RBMS3: variants seen among roughly 807,000 people sequenced by gnomAD.
RBMS3 encodes the protein RNA binding motif single stranded interacting protein 3, also known as RNA-binding motif, single-stranded-interacting protein 3.
A neutral mutation model predicts 66.8 loss-of-function variants in RBMS3; 27 were observed. The observed-to-expected ratio is 0.40, with a 90% CI of 0.30 to 0.56. RBMS3 has a LOEUF of 0.56. Among genes scored for constraint, RBMS3 ranks in the 20% least tolerant of loss-of-function variants. RBMS3 has a pLI of 0.40. For synonymous variants in RBMS3, 188 were observed against 183.0 expected (o/e 1.03, Z -0.22); for missense variants, 513 against 549.5 (o/e 0.93, Z 0.66).
intron 1 of RBMS3, among the ~76,000 whole-genome samples, chr3:29,302,917 A>G (rs541496241): frequency 7.0e-4 from 107 of 152,160 alleles, no homozygotes; most frequent in Middle Eastern, 3.4e-3. Context: ...TTGATCATAA[A>G]GGGATGTTTT....
intron 4 of RBMS3, among the ~76,000 whole-genome samples, chr3:29,685,844 C>T (rs1284326516): frequency 2.6e-5 from 4 of 152,172 alleles, no homozygotes; most frequent in Admixed American, 1.3e-4. Flanking sequence ...CACAGTTAGT[C>T]CCACCTCTCC....
chr3:29,442,794 T>C (rs1047529101), intron 2 of RBMS3, among the ~76,000 whole-genome samples: 46 of 152,292 alleles, frequency 3.0e-4, no homozygotes, highest in African/African-American at 1.1e-3. Context: ...CTTGACCCTG[T>C]TGACCCCTCC....
intron 4 of RBMS3, among the ~76,000 whole-genome samples, chr3:29,592,418 C>T (rs2047774561): frequency 1.3e-5 from 2 of 152,140 alleles, no homozygotes. Flanking sequence ...TGCTCATTAT[C>T]ACTGGCCATC....
chr3:29,350,873 G>A (rs1188233437), intron 1 of RBMS3, among the ~76,000 whole-genome samples: 1 of 151,402 alleles, frequency 6.6e-6, no homozygotes, highest in Non-Finnish European at 1.5e-5. Context: ...AAACTATAAT[G>A]TGCATGGTAA....
At chr3:29,866,766 C>T (rs934453646) in intron 6 of RBMS3, among the ~76,000 whole-genome samples, 1 of 152,270 alleles carries the variant, frequency 6.6e-6, no homozygotes, top group South Asian at 2.1e-4. Flanking sequence ...GTACTTCTAA[C>T]ATAAAGGCAG....
At chr3:29,997,313 A>T (rs1444777890) in intron 14 of RBMS3, among the ~76,000 whole-genome samples, 1 of 151,310 alleles carries the variant, frequency 6.6e-6, no homozygotes, top group African/African-American at 2.4e-5. Context: ...GATCACATGG[A>T]TTCACAGCCG....
At chr3:29,343,831 G>T (rs1016654170) in intron 1 of RBMS3, among the ~76,000 whole-genome samples, 41 of 152,186 alleles carry the variant, frequency 2.7e-4, no homozygotes, top group African/African-American at 9.6e-4. Flanking sequence ...AACTAAGACC[G>T]TTCTCTGCAT....
chr3:29,983,910 AG>A (rs1395460678), intron 12 of RBMS3, among the ~76,000 whole-genome samples: 1 of 151,772 alleles, frequency 6.6e-6, no homozygotes, highest in Admixed American at 6.6e-5. Flanking sequence ...CTTCTTGAGG[AG>A]TATATTGTGG....
intron 5 of RBMS3, among the ~76,000 whole-genome samples, chr3:29,752,425 G>C (rs2055223830): frequency 6.6e-6 from 1 of 152,118 alleles, no homozygotes; most frequent in Non-Finnish European, 1.5e-5. Flanking sequence ...TTAGGGCATT[G>C]GTTTTGGGCT....
At chr3:29,889,048 G>A (rs991073660) in intron 8 of RBMS3, among the ~76,000 whole-genome samples, 9 of 151,392 alleles carry the variant, frequency 5.9e-5, no homozygotes, top group Admixed American at 2.0e-4. Flanking sequence ...AAAGTATTAC[G>A]TGGCCTTTAC....
intron 1 of RBMS3, among the ~76,000 whole-genome samples, chr3:29,341,501 T>C (rs1469869370): frequency 2.0e-5 from 3 of 152,152 alleles, no homozygotes. Context: ...CATCTATTTG[T>C]ATTTCTACTT....
intron 10 of RBMS3, among the ~76,000 whole-genome samples, chr3:29,917,734 G>A (rs1033828605): frequency 6.6e-6 from 1 of 152,006 alleles, no homozygotes; most frequent in Admixed American, 6.6e-5. Flanking sequence ...TGAAAAATTT[G>A]ATCTGGTTAT....
intron 6 of RBMS3, among the ~76,000 whole-genome samples, chr3:29,848,970 T>C (rs945848493): frequency 1.8e-4 from 28 of 152,228 alleles, no homozygotes; most frequent in African/African-American, 6.8e-4. Flanking sequence ...AATCATTTTC[T>C]AGATCTTTTG....
intron 4 of RBMS3, among the ~76,000 whole-genome samples, chr3:29,635,268 C>G (rs1305240641): frequency 6.6e-6 from 1 of 151,844 alleles, no homozygotes; most frequent in Non-Finnish European, 1.5e-5. Context: ...TTAGACATTT[C>G]ACATTCAAAA....
intron 1 of RBMS3, among the ~76,000 whole-genome samples, chr3:29,404,538 G>A (rs945359631): frequency 6.6e-6 from 1 of 152,040 alleles, no homozygotes; most frequent in Non-Finnish European, 1.5e-5. Context: ...TATTTCTGTA[G>A]GATTTTCCCT....
intron 10 of RBMS3, among the ~76,000 whole-genome samples, chr3:29,934,805 G>A (rs1436186091): frequency 6.6e-6 from 1 of 151,882 alleles, no homozygotes; most frequent in Admixed American, 6.6e-5. Flanking sequence ...TAATGGGGAG[G>A]AGCCCACAGA....
chr3:29,944,014 T>G (rs944803273), intron 11 of RBMS3, among the ~76,000 whole-genome samples, 193 bp from the exon 12 acceptor site: 1 of 151,624 alleles, frequency 6.6e-6, no homozygotes, highest in Non-Finnish European at 1.5e-5. Context: ...CCTAATAACA[T>G]GTACAGTATT....
At chr3:29,305,419 A>G (rs1242566878) in intron 1 of RBMS3, among the ~76,000 whole-genome samples, 1 of 151,958 alleles carries the variant, frequency 6.6e-6, no homozygotes, top group Non-Finnish European at 1.5e-5. Context: ...CTTGTTCTCA[A>G]CACAATGGTA....
At chr3:29,998,548 G>A (rs1437601381) in intron 14 of RBMS3, among the ~76,000 whole-genome samples, 1 of 152,118 alleles carries the variant, frequency 6.6e-6, no homozygotes, top group Non-Finnish European at 1.5e-5. Flanking sequence ...AAGCAGCATG[G>A]TACTGGTACC....
Sources: gnomAD v4.1 joint callset for allele counts (sites outside exome capture counted in the v4.1 genomes callset) on GRCh38, gnomAD v4.1.1 for gene constraint, MANE v1.5 for transcripts, NCBI Gene and HGNC (gene_info 2026-07-23, HGNC 2026-07-21) for gene names.